The following DOCK5 variants were observed in gnomAD, a reference collection of about 807,000 sequenced individuals.
The protein encoded by DOCK5 is dedicator of cytokinesis 5.
In DOCK5, 142 loss-of-function variants were observed where a neutral mutation model predicts 251.8. That is an observed-to-expected ratio of 0.56 (90% CI 0.49 to 0.65). The LOEUF is 0.65. Ranked by LOEUF, DOCK5 falls within the 30% of genes least tolerant of loss-of-function variation. DOCK5 has a pLI of 0.00. For missense variants in DOCK5, 2,111 were observed against 2,312.3 expected, an observed-to-expected ratio of 0.91 and a Z score of 1.79; for synonymous variants, 842 against 835.5, an observed-to-expected ratio of 1.01 and a Z score of -0.13.
chr8:25,231,975 C>T (rs978824921), intron 1 of DOCK5, among the ~76,000 whole-genome samples: 43 of 151,974 alleles, frequency 2.8e-4, no homozygotes, highest in African/African-American at 7.5e-4. Context: ...GAATGTTCCT[C>T]GGGTTATTTA....
chr8:25,403,601 T>C lies in DOCK5; in HGVS notation c.4970T>C (p.Ile1657Thr). 1 of 1,613,940 alleles carries C rather than the reference T, an allele frequency of 6.2e-7. No individual in the cohort carries two copies. The highest frequency in any genetic ancestry group is 1.3e-5 in the African/African-American group (1 of 75,042). The change falls in exon 48 of 52, where the codon ATT becomes ACT. Residue 1657 changes from isoleucine (I) to threonine (T), a missense_variant. Ile to Thr is a moderately conservative substitution (Grantham distance 89). This residue lies in a region of DOCK5 where 1,717 missense variants were observed against 1,892.4 expected (regional missense o/e 0.91). Transcript: ENST00000276440. ...AGGAAGCAAAGCCGCACGGGGTCTA[T>C]TGTGCTCCCCTACATCATGTCTTCC... ...TERKQSRTGS[I>T]VLPYIMSSTL...
At chr8:25,369,280 A>C (rs1800831934) in intron 33 of DOCK5, among the ~76,000 whole-genome samples, 1 of 152,218 alleles carries the variant, frequency 6.6e-6, no homozygotes. Context: ...AAGAATTATT[A>C]TTCTATTTTT....
chr8:25,247,153 G>A (rs1311224517), intron 2 of DOCK5, among the ~76,000 whole-genome samples: 2 of 152,124 alleles, frequency 1.3e-5, no homozygotes, highest in African/African-American at 4.8e-5. Flanking sequence ...GCCTTCCAAA[G>A]TGTTGGGATT....
At position 25,411,312 on chromosome 8, in the gene DOCK5, C is replaced by T; in HGVS notation, c.*14C>T. The T allele has an allele frequency of 6.8e-7, 1 of 1,462,670 alleles. No homozygotes were observed. Among genetic ancestry groups the T allele is most frequent in the Non-Finnish European group, 9.0e-7 (1 of 1,109,534 alleles). The allele number at this position is 1,462,670 out of a possible 1,614,324, so 90.6% of individuals were successfully genotyped here. On this transcript the variant is annotated 3_prime_UTR_variant, in exon 52 of 52. Transcript: ENST00000276440. ...GGATCCCAGTAAGGATCTTGCCCTC[C>T]CTGCAACACCGAGTGCCTTAGACAG...
intron 2 of DOCK5, among the ~76,000 whole-genome samples, chr8:25,250,795 G>T (rs1042027366): frequency 3.3e-5 from 5 of 152,188 alleles, no homozygotes; most frequent in Non-Finnish European, 7.3e-5. Context: ...GGGTGGTATT[G>T]CAGAGGCCAG....
intron 2 of DOCK5, among the ~76,000 whole-genome samples, chr8:25,262,355 A>G (rs1419209384): frequency 6.6e-6 from 1 of 152,086 alleles, no homozygotes; most frequent in Non-Finnish European, 1.5e-5. Flanking sequence ...AATGCATACA[A>G]TCTTGAAACA....
intron 1 of DOCK5, among the ~76,000 whole-genome samples, chr8:25,201,977 T>C (rs1801889104): frequency 6.6e-6 from 1 of 152,206 alleles, no homozygotes; most frequent in Admixed American, 6.5e-5. Flanking sequence ...AATGGCCTTA[T>C]CTTGCAAGAA....
chr8:25,310,433 C>G lies in DOCK5; in HGVS notation c.1219C>G (p.Pro407Ala), dbSNP rs1163212859. 3 of 1,613,424 alleles carry G rather than the reference C, an allele frequency of 1.9e-6. No individual in the cohort carries two copies. Among genetic ancestry groups the G allele is most frequent in the Non-Finnish European group, 2.5e-6 (3 of 1,179,776 alleles). Residue 407 changes from proline (P) to alanine (A), a missense_variant, in exon 13 of 52, where the codon CCC becomes GCC. Physicochemically the swap from Pro to Ala is conservative, Grantham distance 27. Around this residue, in one of 3 missense-constraint regions of DOCK5, gnomAD observed 1,717 missense variants for 1,892.4 expected, o/e 0.91. Coordinates refer to ENST00000276440, the MANE Select transcript of DOCK5 (RefSeq NM_024940.8). ...CCTTTGGGTATCCTTGAAGCTCTTG[C>G]CCGGTGACCTCACCCAGGTTCAGAA... ...QGLWVSLKLL[P>A]GDLTQVQKNF...
chr8:25,353,390 A>G (rs1230792817), intron 27 of DOCK5, among the ~76,000 whole-genome samples: 2 of 152,120 alleles, frequency 1.3e-5, no homozygotes, highest in Admixed American at 6.5e-5. Flanking sequence ...CATCCAAAAC[A>G]TATTATAAAA....
intron 22 of DOCK5, 121 bp downstream of exon 22, chr8:25,336,494 C>G (rs1805813307): frequency 1.5e-6 from 2 of 1,292,472 alleles, no homozygotes; most frequent in Non-Finnish European, 2.1e-6. Context: ...TGCCTTATTT[C>G]AGAACTGCAG....
intron 16 of DOCK5, among the ~76,000 whole-genome samples, chr8:25,323,409 A>G (rs569590724): frequency 6.6e-6 from 1 of 152,334 alleles, no homozygotes; most frequent in African/African-American, 2.4e-5. Flanking sequence ...CCTCATTCCA[A>G]CATAGAGAAT....
chr8:25,270,199 T>C lies in DOCK5; in HGVS notation c.168+1314T>C, dbSNP rs560638294. On this transcript the variant is annotated intron_variant, in intron 3 of 51. Coordinates refer to ENST00000276440, the MANE Select transcript of DOCK5 (RefSeq NM_024940.8). ...AATGAATTTTTCTACCCACAGTTAT[T>C]CTAGTGTCGCATGTCTTTATTTCAA... Among the ~76,000 whole-genome samples the C allele has an allele frequency of 1.1e-4, 16 of 152,362 alleles. No individual in the cohort carries two copies. In the East Asian group the frequency reaches 2.9e-3, roughly 28 times the overall value.
chr8:25,355,638 C>T (rs540369960), intron 27 of DOCK5, among the ~76,000 whole-genome samples: 44 of 151,896 alleles, frequency 2.9e-4, no homozygotes, highest in South Asian at 6.2e-4. Flanking sequence ...TTAGCAGAGA[C>T]GAGGTTTTGC....
chr8:25,415,555 G>A lies in DOCK5; in HGVS notation c.*4257G>A, dbSNP rs779354916. 2.6e-5 allele frequency: 4 copies of A among 152,128 alleles called. No individual in the cohort carries two copies. The highest frequency in any genetic ancestry group is 6.6e-5 in the Admixed American group (1 of 15,256). 9.4% of individuals were successfully genotyped at this position (152,128 alleles called of 1,614,324 possible). A position where few individuals can be genotyped will look rare whatever the true frequency, so the allele number is the denominator to read the frequency against. ...TACTATTAGCCATATTTTGTGAGTC[G>A]TTTGTCTAAACTTTGTCAAAAATGC... On this transcript the variant is annotated 3_prime_UTR_variant, in exon 52 of 52. Coordinates refer to ENST00000276440, the MANE Select transcript of DOCK5 (RefSeq NM_024940.8).
intron 26 of DOCK5, among the ~76,000 whole-genome samples, chr8:25,349,552 G>A (rs910895877): frequency 1.3e-5 from 2 of 151,956 alleles, no homozygotes; most frequent in African/African-American, 4.8e-5. Flanking sequence ...GATAAAGTGT[G>A]GTATATATGC....
chr8:25,267,212 C>T (rs570714923), intron 2 of DOCK5, among the ~76,000 whole-genome samples: 2 of 152,136 alleles, frequency 1.3e-5, no homozygotes, highest in African/African-American at 4.8e-5. Flanking sequence ...GAATCTCTTA[C>T]ACCTTGGCAT....
At chr8:25,230,657 C>A (rs567907157) in intron 1 of DOCK5, among the ~76,000 whole-genome samples, 1 of 151,874 alleles carries the variant, frequency 6.6e-6, no homozygotes, top group Non-Finnish European at 1.5e-5. Context: ...TTGAGACCAG[C>A]CTGGCCAACA....
intron 25 of DOCK5, among the ~76,000 whole-genome samples, chr8:25,344,632 T>C (rs1800324877): frequency 6.6e-6 from 1 of 152,270 alleles, no homozygotes; most frequent in South Asian, 2.1e-4. Context: ...CCTATGAATT[T>C]GCACTTTGAA....
At chr8:25,273,564 C>T (rs1803968916) in intron 3 of DOCK5, among the ~76,000 whole-genome samples, 1 of 152,208 alleles carries the variant, frequency 6.6e-6, no homozygotes, top group Non-Finnish European at 1.5e-5. Flanking sequence ...AATTGTGCGA[C>T]TGTACTCCAG....
Sources: gnomAD v4.1 joint callset for allele counts (sites outside exome capture counted in the v4.1 genomes callset) on GRCh38, gnomAD v4.1.1 for gene constraint, gnomAD v4.1.1 regional missense constraint, MANE v1.5 for transcripts, NCBI Gene and HGNC (gene_info 2026-07-23, HGNC 2026-07-21) for gene names.